Variants in SMO observed in about 807,000 individuals in gnomAD.
The protein encoded by SMO is protein smoothened.
SMO carries 40 observed loss-of-function variants against 81.6 expected under a neutral mutation model. That is an observed-to-expected ratio of 0.49 (90% CI 0.38 to 0.64). The LOEUF (loss-of-function observed/expected upper bound fraction) is 0.64. Among genes scored for constraint, SMO ranks in the 30% least tolerant of loss-of-function variants. The probability of loss-of-function intolerance (pLI) is 0.00; values close to 1 mark genes in which losing one functional copy is unlikely to be tolerated. For synonymous variants in SMO, 434 were observed against 432.1 expected, an observed-to-expected ratio of 1.00 and a Z score of -0.05; for missense variants, 916 against 1,061.1, an observed-to-expected ratio of 0.86 and a Z score of 1.90.
chr7:129,197,082 T>C (rs1309941481), intron 1 of SMO, among the ~76,000 whole-genome samples: 1 of 151,838 alleles, frequency 6.6e-6, no homozygotes, highest in South Asian at 2.1e-4. Flanking sequence ...GTTGCTGATA[T>C]ATAGAAATAA....
rs2150648910 is a variant in SMO at position 129,205,590 on chromosome 7, G to A, written c.748-20G>A. 1 of 1,607,304 alleles carries A rather than the reference G, an allele frequency of 6.2e-7. No individual in the cohort carries two copies. Among genetic ancestry groups the A allele is most frequent in the Non-Finnish European group, 8.5e-7 (1 of 1,174,184 alleles). ...CAGAATAACCCTAACCTCACAGAAT[G>A]GCCCACTTCTCTCTTCTAGGCCACA... On this transcript the variant is annotated intron_variant, in intron 3 of 11. Transcript: ENST00000249373.
rs550117744 is a variant in SMO at position 129,211,897 on chromosome 7, TG to T, written c.1937-123del. Reference sequence around the variant, plus strand: ...GAAAGGCCCCAGAGGATCTGAAGAGTGGGGCTGAGGCTCTAAGAGTCTAGAG... The same window carrying T: ...GAAAGGCCCCAGAGGATCTGAAGAGTGGGCTGAGGCTCTAAGAGTCTAGAG... On this transcript the variant is annotated intron_variant, in intron 11 of 11. Transcript: ENST00000249373. This position sits in a 1 kb window ranked among gnomAD's most constrained non-coding sequence, Gnocchi z 4.6. 3.8e-4 allele frequency: 544 copies of T among 1,435,532 alleles called. 3 individuals carry two copies. The highest frequency in any genetic ancestry group is 8.1e-4 in the Admixed American group (43 of 53,386). 88.9% of individuals were successfully genotyped at this position (1,435,532 alleles called of 1,614,324 possible). A position where few individuals can be genotyped will look rare whatever the true frequency, so the allele number is the denominator to read the frequency against.
intron 1 of SMO, among the ~76,000 whole-genome samples, chr7:129,199,615 A>G (rs552192117): frequency 2.6e-4 from 39 of 152,292 alleles, no homozygotes; most frequent in African/African-American, 8.9e-4. Flanking sequence ...GTGAGCCTGT[A>G]GTCTTTGCTA....
chr7:129,205,457 G>A (rs769420402), intron 3 of SMO, 45 bp downstream of exon 3: 46 of 1,585,184 alleles, frequency 2.9e-5, no homozygotes, highest in Admixed American at 1.4e-4. Context: ...AGCCTGGAAC[G>A]TGGGAAGAGA....
intron 1 of SMO, among the ~76,000 whole-genome samples, chr7:129,195,247 T>C (rs1180251848): frequency 6.6e-6 from 1 of 152,254 alleles, no homozygotes; most frequent in East Asian, 1.9e-4. Context: ...GCACGCATAC[T>C]TTAGGCTTTT....
At position 129,211,511 on chromosome 7, in the gene SMO, G is replaced by A; in HGVS notation, c.1802-125G>A. 1 of 1,078,872 alleles carries A rather than the reference G, an allele frequency of 9.3e-7. No homozygotes were observed. Among genetic ancestry groups the A allele is most frequent in the Non-Finnish European group, 1.4e-6 (1 of 710,684 alleles). 66.8% of individuals were successfully genotyped at this position (1,078,872 alleles called of 1,614,324 possible). ...GGGTAGAGATCACCGTGGTTACAGGGTGAGCTTTCTCTGGTGAGCAGGAGG... is the reference window on the plus strand; with the variant it reads ...GGGTAGAGATCACCGTGGTTACAGGATGAGCTTTCTCTGGTGAGCAGGAGG... On this transcript the variant is annotated intron_variant, in intron 10 of 11. Transcript: ENST00000249373. The surrounding 1 kb of genome is among the most constrained non-coding windows in gnomAD (Gnocchi z 4.6).
At position 129,213,483 on chromosome 7, in the gene SMO, A is replaced by G. The variant is rs1412980058; in HGVS notation, c.*1032A>G. On this transcript the variant is annotated 3_prime_UTR_variant, in exon 12 of 12. Transcript: ENST00000249373. ...AGAATCAGACAGCAGGAAGCCATAG[A>G]TGCTGGCTGGGTTCCAGGTTATGGG... is the stretch of plus-strand genomic sequence containing the variant. 2 of 230,838 alleles carry G rather than the reference A, an allele frequency of 8.7e-6. No homozygotes were observed. Among genetic ancestry groups the G allele is most frequent in the Non-Finnish European group, 1.7e-5 (2 of 116,442 alleles). 14.3% of individuals were successfully genotyped at this position (230,838 alleles called of 1,614,324 possible).
chr7:129,196,516 T>G (rs1306876301), intron 1 of SMO, among the ~76,000 whole-genome samples: 1 of 151,566 alleles, frequency 6.6e-6, no homozygotes, highest in African/African-American at 2.4e-5. Flanking sequence ...ATAGATTAAC[T>G]TGGAAAAAAA....
At chr7:129,202,705 A>G (rs974167783) in intron 1 of SMO, among the ~76,000 whole-genome samples, 1 of 151,772 alleles carries the variant, frequency 6.6e-6, no homozygotes, top group Non-Finnish European at 1.5e-5. Flanking sequence ...ACCTCTTCTT[A>G]AGCCCCCATC....
chr7:129,212,355 G>T lies in SMO; in HGVS notation c.2268G>T (p.Val756=), dbSNP rs749672486. ...TTCTGCCCAGTGCACCGGCCCCCGTGGCATGGGCTCATGGCCGCCGACAGG... is the reference window on the plus strand; with the variant it reads ...TTCTGCCCAGTGCACCGGCCCCCGTTGCATGGGCTCATGGCCGCCGACAGG... The part of the protein sequence containing the change: ...DPFLPSAPAP[V]AWAHGRRQGL... Residue 756 remains valine (V), a synonymous_variant, in exon 12 of 12, where the codon GTG becomes GTT. Coordinates refer to ENST00000249373, the MANE Select transcript of SMO (RefSeq NM_005631.5). This position sits in a 1 kb window ranked among gnomAD's most constrained non-coding sequence, Gnocchi z 5.0. 1.9e-6 allele frequency: 3 copies of T among 1,614,028 alleles called. No homozygotes were observed. The highest frequency in any genetic ancestry group is 1.3e-5 in the African/African-American group (1 of 74,950).
Position 129,208,989 on chromosome 7 carries a change from GGTGGTA to G in SMO, c.1357+149_1357+154del. Reference sequence around the variant, plus strand: ...GGGACAAGGACAAGGGGTGTGTGTAGGTGGTAGTGGTAGTGGCAGCTCAAAAGAAGG... The same window carrying G: ...GGGACAAGGACAAGGGGTGTGTGTAGGTGGTAGTGGCAGCTCAAAAGAAGG... On this transcript the variant is annotated intron_variant, in intron 7 of 11. Transcript: ENST00000249373. The surrounding 1 kb of genome is among the most constrained non-coding windows in gnomAD (Gnocchi z 5.2). 2 of 659,502 alleles carry G rather than the reference GGTGGTA, an allele frequency of 3.0e-6. No individual in the cohort carries two copies. Among genetic ancestry groups the G allele is most frequent in the Middle Eastern group, 4.0e-4 (1 of 2,530 alleles). The allele number at this position is 659,502 out of a possible 1,614,324, so 40.9% of individuals were successfully genotyped here. A position where few individuals can be genotyped will look rare whatever the true frequency, so the allele number is the denominator to read the frequency against.
At position 129,210,352 on chromosome 7, in the gene SMO, C is replaced by T. The variant is rs2150653605; in HGVS notation, c.1467-11C>T. ...AGGAAAGCCTCACCTGTCTACGTTC[C>T]CTCACTGTAGATGTCAGGCCAATGT... is the stretch of plus-strand genomic sequence containing the variant. On this transcript the variant is annotated splice_polypyrimidine_tract_variant and intron_variant, in intron 8 of 11. Coordinates refer to ENST00000249373, the MANE Select transcript of SMO (RefSeq NM_005631.5). This position sits in a 1 kb window ranked among gnomAD's most constrained non-coding sequence, Gnocchi z 4.7. 1.9e-6 allele frequency: 3 copies of T among 1,607,314 alleles called. No individual in the cohort carries two copies. Among genetic ancestry groups the T allele is most frequent in the Non-Finnish European group, 2.6e-6 (3 of 1,173,844 alleles).
rs2150638157 is a variant in SMO, at chr7:129,189,334, G to C, written c.183G>C (p.Leu61=). 6.6e-7 allele frequency: 1 copy of C among 1,514,924 alleles called. No individual in the cohort carries two copies. Among genetic ancestry groups the C allele is most frequent in the Non-Finnish European group, 8.8e-7 (1 of 1,138,360 alleles). 93.8% of individuals were successfully genotyped at this position (1,514,924 alleles called of 1,614,324 possible). The change falls in exon 1 of 12, where the codon CTG becomes CTC. Residue 61 remains leucine (L), a synonymous_variant. Coordinates refer to ENST00000249373, the MANE Select transcript of SMO (RefSeq NM_005631.5). The surrounding 1 kb of genome is among the most constrained non-coding windows in gnomAD (Gnocchi z 4.7). ...CGGTGACTGGCCCTCCGCCGCCGCT[G>C]AGCCACTGCGGCCGGGCTGCCCCCT... is the stretch of plus-strand genomic sequence containing the variant. ...SAAVTGPPPP[L]SHCGRAAPCE...
chr7:129,194,056 C>T (rs1793530141), intron 1 of SMO, among the ~76,000 whole-genome samples: 1 of 151,320 alleles, frequency 6.6e-6, no homozygotes, highest in African/African-American at 2.4e-5. Context: ...GCCATCCTCA[C>T]ACCACTGCCC....
chr7:129,193,785 A>AAAAAAT (rs1563145734), intron 1 of SMO, among the ~76,000 whole-genome samples: 15 of 26,356 alleles, frequency 5.7e-4, no homozygotes, highest in African/African-American at 8.5e-4. Flanking sequence ...AAAAAAAAAA[A>AAAAAAT]ATATATATAT....
chr7:129,212,572 T>C lies in SMO; in HGVS notation c.*121T>C. The C allele has an allele frequency of 1.1e-6, 1 of 929,318 alleles. No homozygotes were observed. The allele number at this position is 929,318 out of a possible 1,614,324, so 57.6% of individuals were successfully genotyped here. A position where few individuals can be genotyped will look rare whatever the true frequency, so the allele number is the denominator to read the frequency against. Reference sequence around the variant, plus strand: ...CAGAGAACCTGTGGGCTGACTGCCCTCCGAAGAGAGTTCTGGATGTCTGGC... The same window carrying C: ...CAGAGAACCTGTGGGCTGACTGCCCCCCGAAGAGAGTTCTGGATGTCTGGC... On this transcript the variant is annotated 3_prime_UTR_variant, in exon 12 of 12. Transcript: ENST00000249373. This position sits in a 1 kb window ranked among gnomAD's most constrained non-coding sequence, Gnocchi z 5.0.
intron 1 of SMO, among the ~76,000 whole-genome samples, chr7:129,200,676 A>T (rs1019489096): frequency 2.0e-5 from 3 of 152,234 alleles, no homozygotes; most frequent in African/African-American, 7.2e-5. Flanking sequence ...AGACATTTTT[A>T]AAACCTGATT....
At position 129,211,232 on chromosome 7, in the gene SMO, G is replaced by T. The variant is rs1482412884; in HGVS notation, c.1801+119G>T. 2 of 1,104,070 alleles carry T rather than the reference G, an allele frequency of 1.8e-6. No homozygotes were observed. Among genetic ancestry groups the T allele is most frequent in the Non-Finnish European group, 2.7e-6 (2 of 752,534 alleles). The allele number at this position is 1,104,070 out of a possible 1,614,324, so 68.4% of individuals were successfully genotyped here. ...GAAGACCGACTGTGAGGAGCAAGGC[G>T]CTCCCTCCATCGCTCACACACCCAT... On this transcript the variant is annotated intron_variant, in intron 10 of 11. Coordinates refer to ENST00000249373, the MANE Select transcript of SMO (RefSeq NM_005631.5). The surrounding 1 kb of genome is among the most constrained non-coding windows in gnomAD (Gnocchi z 4.6).
rs1279844928 is a variant in SMO at position 129,210,958 on chromosome 7, C to T, written c.1653-7C>T. ...TCACGCTCCTTCCCTATCCCTTCTG[C>T]TCTCAGGTTGACTGGGCAGAGTGAC... is the stretch of plus-strand genomic sequence containing the variant. On this transcript the variant is annotated splice_polypyrimidine_tract_variant and splice_region_variant and intron_variant, in intron 9 of 11. Coordinates refer to ENST00000249373, the MANE Select transcript of SMO (RefSeq NM_005631.5). The surrounding 1 kb of genome is among the most constrained non-coding windows in gnomAD (Gnocchi z 4.7). 6.2e-7 allele frequency: 1 copy of T among 1,601,044 alleles called. No individual in the cohort carries two copies. The highest frequency in any genetic ancestry group is 8.5e-7 in the Non-Finnish European group (1 of 1,173,414).
Sources: gnomAD v4.1 joint callset for allele counts (sites outside exome capture counted in the v4.1 genomes callset) on GRCh38, gnomAD v4.1.1 for gene constraint, Gnocchi (gnomAD v3.1) non-coding constraint, MANE v1.5 for transcripts, NCBI Gene and HGNC (gene_info 2026-07-23, HGNC 2026-07-21) for gene names.